The following NXPE2 variants were observed in gnomAD, a reference collection of about 807,000 sequenced individuals.
NXPE2 encodes NXPE family member 2.
NXPE2 carries 34 observed loss-of-function variants against 34.4 expected under a neutral mutation model. The observed-to-expected ratio is 0.99, with a 90% CI of 0.75 to 1.31. NXPE2 has a LOEUF of 1.31. Among genes scored for constraint, NXPE2 ranks in the 40% most tolerant of loss-of-function variants. The probability of loss-of-function intolerance (pLI) is 0.00; values close to 1 mark genes in which losing one functional copy is unlikely to be tolerated. For missense variants in NXPE2, 649 were observed against 672.5 expected (o/e 0.97, Z 0.39); for synonymous variants, 235 against 231.3 (o/e 1.02, Z -0.15).
the NXPE2 span, among the ~76,000 whole-genome samples, chr11:114,607,254 C>T: frequency 0.024 from 3,491 of 143,070 alleles, 63 homozygotes; most frequent in Non-Finnish European, 0.039. Flanking sequence ...GTGGATAATA[C>T]GTGTTGCCTC....
intron 2 of NXPE2, among the ~76,000 whole-genome samples, chr11:114,682,690 T>A (rs908922207): frequency 6.6e-6 from 1 of 152,226 alleles, no homozygotes; most frequent in Non-Finnish European, 1.5e-5. Context: ...GCATAGGAAT[T>A]ATTTTGATAA....
chr11:114,657,282 G>T, the NXPE2 span, among the ~76,000 whole-genome samples: 1 of 152,112 alleles, frequency 6.6e-6, no homozygotes, highest in Non-Finnish European at 1.5e-5. Flanking sequence ...TCTTAGCCAG[G>T]GGTCCCCTTG....
At chr11:114,779,978 A>AATCT in the NXPE2 span, among the ~76,000 whole-genome samples, 1 of 152,174 alleles carries the variant, frequency 6.6e-6, no homozygotes, top group Non-Finnish European at 1.5e-5. Flanking sequence ...TTTATCTGTG[A>AATCT]ATCTCACCGC....
At chr11:114,745,519 G>T in the NXPE2 span, among the ~76,000 whole-genome samples, 12 of 152,262 alleles carry the variant, frequency 7.9e-5, no homozygotes, top group African/African-American at 2.4e-4. Context: ...CAATACTGGG[G>T]ATCAGATTTC....
chr11:114,756,068 A>T, the NXPE2 span, among the ~76,000 whole-genome samples: 1 of 152,158 alleles, frequency 6.6e-6, no homozygotes, highest in Non-Finnish European at 1.5e-5. Context: ...GATACCTTAC[A>T]TCCACTGTAT....
the NXPE2 span, among the ~76,000 whole-genome samples, chr11:114,639,718 A>T: frequency 3.1e-5 from 4 of 130,110 alleles, no homozygotes; most frequent in Admixed American, 8.9e-5. Context: ...ATAATATATA[A>T]TATAGTAATA....
the NXPE2 span, among the ~76,000 whole-genome samples, chr11:114,549,998 T>G: frequency 6.6e-6 from 1 of 152,074 alleles, no homozygotes; most frequent in Non-Finnish European, 1.5e-5. Flanking sequence ...AATACTTAAG[T>G]GTACATTTAG....
intron 2 of NXPE2, among the ~76,000 whole-genome samples, chr11:114,685,342 G>C (rs1951027246): frequency 6.6e-6 from 1 of 152,028 alleles, no homozygotes; most frequent in Non-Finnish European, 1.5e-5. Flanking sequence ...GTCTGATGAG[G>C]GACTGCTTCC....
At chr11:114,773,575 T>C in the NXPE2 span, among the ~76,000 whole-genome samples, 51 of 152,244 alleles carry the variant, frequency 3.3e-4, no homozygotes, top group African/African-American at 1.1e-3. Flanking sequence ...TGTCATCCAC[T>C]GGTATGATGG....
the NXPE2 span, among the ~76,000 whole-genome samples, chr11:114,775,201 G>A: frequency 1.3e-5 from 2 of 152,196 alleles, no homozygotes; most frequent in Non-Finnish European, 2.9e-5. Context: ...CCTTCCTCCA[G>A]GTCCGCCTTC....
At chr11:114,479,536 G>T in the NXPE2 span, among the ~76,000 whole-genome samples, 1 of 152,142 alleles carries the variant, frequency 6.6e-6, no homozygotes. Context: ...TGGGCTGGGT[G>T]GTGATGTCAT....
At chr11:114,684,825 G>T (rs182627596) in intron 2 of NXPE2, among the ~76,000 whole-genome samples, 11 of 152,304 alleles carry the variant, frequency 7.2e-5, no homozygotes, top group African/African-American at 2.4e-4. Flanking sequence ...CACATGTTTG[G>T]CAGTGTGACA....
chr11:114,582,559 C>G, the NXPE2 span: 6 of 1,614,198 alleles, frequency 3.7e-6, no homozygotes, highest in Non-Finnish European at 5.1e-6. Flanking sequence ...GCTGACACCC[C>G]TTCACTGGGG....
chr11:114,746,749 C>A, the NXPE2 span, among the ~76,000 whole-genome samples: 2 of 151,994 alleles, frequency 1.3e-5, no homozygotes, highest in Non-Finnish European at 2.9e-5. Flanking sequence ...TCCTTGGGAA[C>A]TTGAGGCAGG....
the NXPE2 span, among the ~76,000 whole-genome samples, chr11:114,539,924 A>G: frequency 6.6e-6 from 1 of 152,220 alleles, no homozygotes. Context: ...TTCCTATCAC[A>G]CACTACATAC....
At chr11:114,589,995 C>G in the NXPE2 span, among the ~76,000 whole-genome samples, 2 of 152,192 alleles carry the variant, frequency 1.3e-5, no homozygotes, top group Non-Finnish European at 1.5e-5. Flanking sequence ...ATGCCTTTTT[C>G]TGCATACTGT....
Position 114,706,465 on chromosome 11 carries a change from T to C in NXPE2, c.1215T>C (p.His405=). ...ATGTTCTTCTGGATGTTGAAAGACATATTTTGATTCAGTGGAAAAAACATG... is the reference window on the plus strand; with the variant it reads ...ATGTTCTTCTGGATGTTGAAAGACACATTTTGATTCAGTGGAAAAAACATG... The part of the protein sequence containing the change: ...KTHVLLDVER[H]ILIQWKKHGH... The change falls in exon 6 of 6, where the codon CAT becomes CAC. Residue 405 remains histidine, a synonymous_variant. Transcript: ENST00000389586. The C allele has an allele frequency of 1.9e-6, 3 of 1,551,754 alleles. No homozygotes were observed. Among genetic ancestry groups the C allele is most frequent in the Non-Finnish European group, 2.6e-6 (3 of 1,146,902 alleles).
upstream of NXPE2, among the ~76,000 whole-genome samples, chr11:114,677,343 A>C (rs1056692103): frequency 2.0e-5 from 3 of 152,132 alleles, no homozygotes; most frequent in Admixed American, 6.6e-5. Flanking sequence ...TGTAGTAATC[A>C]CTTCACAATG....
At chr11:114,510,500 T>C in the NXPE2 span, among the ~76,000 whole-genome samples, 1 of 152,108 alleles carries the variant, frequency 6.6e-6, no homozygotes, top group Non-Finnish European at 1.5e-5. Flanking sequence ...GGATTACAGG[T>C]GTAAGCCACC....
Sources: gnomAD v4.1 joint callset for allele counts (sites outside exome capture counted in the v4.1 genomes callset) on GRCh38, gnomAD v4.1.1 for gene constraint, MANE v1.5 for transcripts, NCBI Gene and HGNC (gene_info 2026-07-23, HGNC 2026-07-21) for gene names.